FANCI: variants seen among roughly 807,000 people sequenced by gnomAD.
The protein encoded by FANCI is FA complementation group I.
Under a neutral mutation model 176.1 loss-of-function variants are expected in FANCI, and 156 were observed. The ratio of observed to expected loss-of-function variants is 0.89; its 90% CI spans 0.78 to 1.01. FANCI has a LOEUF of 1.01. Among genes scored for constraint, FANCI ranks in the 50% least tolerant of loss-of-function variants. The pLI is 0.00. For missense variants in FANCI, 1,678 were observed against 1,534.1 expected (o/e 1.09, Z -1.57); for synonymous variants, 613 against 541.7 (o/e 1.13, Z -1.83).
chr15:89,247,747 C>A lies in FANCI; in HGVS notation c.84+16C>A. The stretch of plus-strand genomic sequence containing the variant: ...AGAAGGTGATGTGAGTATTAGGAAG[C>A]ATGTTCTGCTAAAAGTAAATGTCAG... On this transcript the variant is annotated intron_variant, in intron 2 of 37. Transcript: ENST00000310775. 1 of 1,608,572 alleles carries A rather than the reference C, an allele frequency of 6.2e-7. No individual in the cohort carries two copies. The highest frequency in any genetic ancestry group is 8.5e-7 in the Non-Finnish European group (1 of 1,175,128).
intron 10 of FANCI, among the ~76,000 whole-genome samples, chr15:89,270,189 A>G (rs902301104): frequency 1.3e-5 from 2 of 152,206 alleles, no homozygotes; most frequent in Admixed American, 6.5e-5. Context: ...AAAAACAGGT[A>G]GTGGGTTGGA....
chr15:89,273,562 C>G lies in FANCI; in HGVS notation c.975+93C>G, dbSNP rs547430360. 3.8e-6 allele frequency: 3 copies of G among 794,848 alleles called. No homozygotes were observed. In the Admixed American group the frequency reaches 6.6e-5, roughly 17 times the overall value. 49.2% of individuals were successfully genotyped at this position (794,848 alleles called of 1,614,324 possible). A position where few individuals can be genotyped will look rare whatever the true frequency, so the allele number is the denominator to read the frequency against. Reference sequence around the variant, plus strand: ...CACAGTAATCTGTTTTTGTTGTATCCGTTCCTAAACAATTTTATCCCCTTC... The same window carrying G: ...CACAGTAATCTGTTTTTGTTGTATCGGTTCCTAAACAATTTTATCCCCTTC... On this transcript the variant is annotated intron_variant, in intron 11 of 37. Coordinates refer to ENST00000310775, the MANE Select transcript of FANCI (RefSeq NM_001113378.2).
intron 20 of FANCI, among the ~76,000 whole-genome samples, chr15:89,291,915 T>G (rs2054085174): frequency 1.3e-5 from 2 of 152,250 alleles, no homozygotes; most frequent in Non-Finnish European, 2.9e-5. Context: ...AGCCCTTTAC[T>G]AAATCAAGGC....
At chr15:89,297,701 G>T (rs1045933450) in intron 24 of FANCI, among the ~76,000 whole-genome samples, 1 of 146,536 alleles carries the variant, frequency 6.8e-6, no homozygotes, top group African/African-American at 2.5e-5. Flanking sequence ...GATGGCAGCA[G>T]TACAGTCCAG....
chr15:89,273,515 A>G lies in FANCI; in HGVS notation c.975+46A>G, dbSNP rs756052900. The G allele has an allele frequency of 4.8e-5, 32 of 665,714 alleles. No individual in the cohort carries two copies. The Middle Eastern group carries it at 1.2e-3, about 25-fold the overall frequency. 41.2% of individuals were successfully genotyped at this position (665,714 alleles called of 1,614,324 possible). A position where few individuals can be genotyped will look rare whatever the true frequency, so the allele number is the denominator to read the frequency against. ...TTTGTTTCTTTCTGTAGTTGGTAAA[A>G]AAAAAAAAAAAAAAAAAAAATCACA... On this transcript the variant is annotated intron_variant, in intron 11 of 37. Coordinates refer to ENST00000310775, the MANE Select transcript of FANCI (RefSeq NM_001113378.2).
intron 7 of FANCI, 74 bp from the exon 8 acceptor site, chr15:89,263,829 A>G (rs2052822999): frequency 1.3e-6 from 2 of 1,565,178 alleles, no homozygotes; most frequent in Admixed American, 1.7e-5. Context: ...TAACCACTGT[A>G]AAGCCCTGAA....
At chr15:89,311,852 G>A (rs986667215) in intron 34 of FANCI, among the ~76,000 whole-genome samples, 1 of 152,278 alleles carries the variant, frequency 6.6e-6, no homozygotes, top group Non-Finnish European at 1.5e-5. Flanking sequence ...AACTCCCCTT[G>A]AGGTAAAAAG....
At position 89,314,624 on chromosome 15, in the gene FANCI, C is replaced by T. The variant is rs905867236; in HGVS notation, c.3733C>T (p.Arg1245Trp). The change falls in exon 36 of 38, where the codon CGG (arginine) becomes TGG (tryptophan). Residue 1245 changes from arginine to tryptophan, a missense_variant. Arg to Trp is a moderately radical substitution (Grantham distance 101). Coordinates refer to ENST00000310775, the MANE Select transcript of FANCI (RefSeq NM_001113378.2). ...AVATAMARVL[R>W]ETKPIPNLIF... is the part of the protein sequence containing the mutation. ...TCTTTGCCCTTAGGCCAGAGTTCTTCGGGAAACCAAGCCAATCCCTAACCT... is the reference window on the plus strand; with the variant it reads ...TCTTTGCCCTTAGGCCAGAGTTCTTTGGGAAACCAAGCCAATCCCTAACCT... 1.1e-5 allele frequency: 18 copies of T among 1,613,824 alleles called. No homozygotes were observed. The highest frequency in any genetic ancestry group is 2.2e-5 in the South Asian group (2 of 91,074).
chr15:89,287,190 G>T (rs1483399284), intron 18 of FANCI, among the ~76,000 whole-genome samples: 1 of 152,002 alleles, frequency 6.6e-6, no homozygotes, highest in Admixed American at 6.6e-5. Flanking sequence ...GGCCAGGATG[G>T]TCTCAATCTC....
At chr15:89,297,012 G>A (rs1361450934) in intron 24 of FANCI, among the ~76,000 whole-genome samples, 3 of 149,694 alleles carry the variant, frequency 2.0e-5, no homozygotes, top group Non-Finnish European at 3.0e-5. Context: ...CTGGCCTGGC[G>A]GGGGCTGACC....
chr15:89,301,569 C>T lies in FANCI; in HGVS notation c.3006+127C>T, dbSNP rs2054525138. The T allele has an allele frequency of 6.4e-6, 5 of 782,142 alleles. No individual in the cohort carries two copies. The Admixed American group carries it at 8.8e-5, about 14-fold the overall frequency. The allele number at this position is 782,142 out of a possible 1,614,324, so 48.5% of individuals were successfully genotyped here. On this transcript the variant is annotated intron_variant, in intron 27 of 37. Coordinates refer to ENST00000310775, the MANE Select transcript of FANCI (RefSeq NM_001113378.2). ...ATTTTACATAATGTGTTTAATTATA[C>T]ACCTGAGTTAATATAAGACCTATAA... is the stretch of plus-strand genomic sequence containing the variant.
chr15:89,272,494 C>G (rs2053237020), intron 10 of FANCI, among the ~76,000 whole-genome samples: 1 of 151,618 alleles, frequency 6.6e-6, no homozygotes, highest in South Asian at 2.1e-4. Context: ...TTGGTGAGGT[C>G]CAGTTTATCA....
At chr15:89,251,010 A>G (rs572981124) in intron 2 of FANCI, among the ~76,000 whole-genome samples, 17 of 152,206 alleles carry the variant, frequency 1.1e-4, no homozygotes, top group African/African-American at 3.8e-4. Flanking sequence ...ACAGAAAAAT[A>G]GTGGATCAAA....
At chr15:89,248,553 G>T (rs1228838957) in intron 2 of FANCI, among the ~76,000 whole-genome samples, 4 of 151,818 alleles carry the variant, frequency 2.6e-5, no homozygotes, top group Non-Finnish European at 5.9e-5. Flanking sequence ...ATCCAAGATT[G>T]CCTTTATAGC....
At chr15:89,310,903 T>C (rs2054928502) in intron 34 of FANCI, among the ~76,000 whole-genome samples, 1 of 152,000 alleles carries the variant, frequency 6.6e-6, no homozygotes, top group African/African-American at 2.4e-5. Context: ...GGTGGGAGAA[T>C]CACAAGGTCT....
At chr15:89,290,862 G>A (rs917266093) in intron 19 of FANCI, among the ~76,000 whole-genome samples, 7 of 152,076 alleles carry the variant, frequency 4.6e-5, no homozygotes, top group African/African-American at 7.2e-5. Context: ...TTAAAATTAA[G>A]GTCTCAGATG....
At chr15:89,301,908 G>A (rs1304477489) in intron 27 of FANCI, among the ~76,000 whole-genome samples, 1 of 152,240 alleles carries the variant, frequency 6.6e-6, no homozygotes, top group Non-Finnish European at 1.5e-5. Context: ...AATTCAGAAA[G>A]TGTAACTATA....
chr15:89,287,291 T>C (rs1406838825), intron 18 of FANCI, among the ~76,000 whole-genome samples: 2 of 152,178 alleles, frequency 1.3e-5, no homozygotes, highest in Non-Finnish European at 1.5e-5. Flanking sequence ...TTTTATGTTA[T>C]GGAGATGGCT....
At chr15:89,289,334 G>T (rs1426798806) in intron 18 of FANCI, among the ~76,000 whole-genome samples, 1 of 151,482 alleles carries the variant, frequency 6.6e-6, no homozygotes, top group Non-Finnish European at 1.5e-5. Flanking sequence ...GTCTCACTCT[G>T]TTGCCCAGAC....
Sources: allele counts gnomAD v4.1 joint callset (sites outside exome capture counted in the v4.1 genomes callset), GRCh38; gene constraint gnomAD v4.1.1; transcripts MANE v1.5; gene names NCBI Gene and HGNC (gene_info 2026-07-23, HGNC 2026-07-21).